Variants in PRKCA observed in about 807,000 individuals in gnomAD.
PRKCA encodes protein kinase C alpha type.
A neutral mutation model predicts 87.0 loss-of-function variants in PRKCA; 27 were observed. That is an observed-to-expected ratio of 0.31 (90% CI 0.23 to 0.43). The LOEUF (loss-of-function observed/expected upper bound fraction) is 0.43, where lower values mean the gene tolerates loss of function less well. Among genes scored for constraint, PRKCA ranks in the 20% least tolerant of loss-of-function variants. The probability of loss-of-function intolerance (pLI) is 1.00; values close to 1 mark genes in which losing one functional copy is unlikely to be tolerated. For synonymous variants in PRKCA, 329 were observed against 311.1 expected, an observed-to-expected ratio of 1.06 and a Z score of -0.61; for missense variants, 518 against 852.3, an observed-to-expected ratio of 0.61 and a Z score of 4.88.
intron 2 of PRKCA, among the ~76,000 whole-genome samples, chr17:66,366,879 A>C (rs772216991): frequency 1.3e-5 from 2 of 152,238 alleles, no homozygotes; most frequent in Admixed American, 6.5e-5. Flanking sequence ...AAAGCACTTC[A>C]TAGTGAGCAA....
intron 2 of PRKCA, among the ~76,000 whole-genome samples, chr17:66,365,770 C>G (rs919892282): frequency 6.6e-6 from 1 of 152,128 alleles, no homozygotes. Context: ...CGTATGCTTT[C>G]TTATTTAAGC....
At chr17:66,755,469 G>A (rs981754283) in intron 13 of PRKCA, among the ~76,000 whole-genome samples, 3 of 152,170 alleles carry the variant, frequency 2.0e-5, no homozygotes, top group African/African-American at 7.2e-5. Context: ...CCAGGAGACC[G>A]CTGAACCCCA....
chr17:66,454,744 C>G (rs548603262), intron 2 of PRKCA, among the ~76,000 whole-genome samples: 200 of 152,326 alleles, frequency 1.3e-3, no homozygotes, highest in Non-Finnish European at 2.2e-3. Flanking sequence ...CCCACTGGCT[C>G]CCTCCCCCAA....
In PRKCA at chr17:66,742,705, T is replaced by C. The variant is rs766524625; in HGVS notation, c.1469T>C (p.Met490Thr). 18 of 1,614,182 alleles carry C rather than the reference T, an allele frequency of 1.1e-5. No individual in the cohort carries two copies. The highest frequency in any genetic ancestry group is 2.2e-5 in the South Asian group (2 of 91,082). The stretch of plus-strand genomic sequence containing the variant: ...TTTGGGATGTGCAAGGAACACATGA[T>C]GGATGGAGTCACGACCAGGACCTTC... ...ADFGMCKEHM[M>T]DGVTTRTFCG... Residue 490 changes from methionine (M) to threonine (T), a missense_variant, in exon 13 of 17, where the codon ATG (methionine) becomes ACG (threonine). Around this residue, in one of 5 missense-constraint regions of PRKCA, gnomAD observed 159 missense variants for 232.4 expected, o/e 0.68. Coordinates refer to ENST00000413366, the MANE Select transcript of PRKCA (RefSeq NM_002737.3).
intron 11 of PRKCA, among the ~76,000 whole-genome samples, chr17:66,740,296 C>A (rs187228236): frequency 6.6e-6 from 1 of 152,170 alleles, no homozygotes; most frequent in African/African-American, 2.4e-5. Context: ...GGAGCTGGAA[C>A]TTTGGTGCTG....
chr17:66,342,425 A>T (rs1907090277), intron 2 of PRKCA, among the ~76,000 whole-genome samples: 1 of 137,640 alleles, frequency 7.3e-6, no homozygotes, highest in South Asian at 2.4e-4. Flanking sequence ...CCATCTCAAA[A>T]AAAATAAAAT....
At chr17:66,510,899 A>G (rs1322759000) in intron 3 of PRKCA, among the ~76,000 whole-genome samples, 1 of 152,012 alleles carries the variant, frequency 6.6e-6, no homozygotes, top group African/African-American at 2.4e-5. Context: ...GGCGTGCACC[A>G]CCATGCCCGG....
At chr17:66,772,449 T>C (rs1974954990) in intron 13 of PRKCA, among the ~76,000 whole-genome samples, 1 of 151,912 alleles carries the variant, frequency 6.6e-6, no homozygotes, top group African/African-American at 2.4e-5. Context: ...TGGGCAGACA[T>C]GCAGAAAGTT....
At chr17:66,611,719 T>C (rs781019349) in intron 3 of PRKCA, among the ~76,000 whole-genome samples, 18 of 152,200 alleles carry the variant, frequency 1.2e-4, no homozygotes, top group Non-Finnish European at 2.2e-4. Context: ...CAGGGTCACA[T>C]GTATTAAGCA....
intron 2 of PRKCA, among the ~76,000 whole-genome samples, chr17:66,374,176 C>T (rs1422752422): frequency 2.0e-5 from 3 of 152,120 alleles, no homozygotes; most frequent in African/African-American, 4.8e-5. Flanking sequence ...TCCTTCCTTC[C>T]GCCTGGAGCT....
At chr17:66,391,238 A>G (rs1245174146) in intron 2 of PRKCA, among the ~76,000 whole-genome samples, 1 of 152,168 alleles carries the variant, frequency 6.6e-6, no homozygotes, top group Non-Finnish European at 1.5e-5. Context: ...GGACAGATTC[A>G]GCCGGGTGCT....
chr17:66,717,413 A>G (rs1973505463), intron 8 of PRKCA, among the ~76,000 whole-genome samples: 1 of 152,222 alleles, frequency 6.6e-6, no homozygotes, highest in Non-Finnish European at 1.5e-5. Flanking sequence ...GAGGAAGAGC[A>G]CTAGGTTCAA....
At chr17:66,421,298 C>G (rs1027946935) in intron 2 of PRKCA, among the ~76,000 whole-genome samples, 2 of 152,128 alleles carry the variant, frequency 1.3e-5, no homozygotes, top group Non-Finnish European at 2.9e-5. Context: ...TCTAATGGAA[C>G]AGAGAACTGC....
intron 3 of PRKCA, among the ~76,000 whole-genome samples, chr17:66,553,174 G>C (rs1196608634): frequency 6.6e-6 from 1 of 151,946 alleles, no homozygotes; most frequent in East Asian, 1.9e-4. Flanking sequence ...TAGAGGTGGG[G>C]TTTTGCCGTG....
At chr17:66,565,482 A>C (rs1164326950) in intron 3 of PRKCA, among the ~76,000 whole-genome samples, 2 of 152,256 alleles carry the variant, frequency 1.3e-5, no homozygotes, top group Non-Finnish European at 1.5e-5. Flanking sequence ...AAAGCCTGAA[A>C]GCAAAATATG....
In PRKCA at chr17:66,327,380, A is replaced by G. The variant is rs557258026; in HGVS notation, c.205+21253A>G. Among the ~76,000 whole-genome samples the G allele has an allele frequency of 2.4e-3, 358 of 150,738 alleles. 2 individuals carry two copies. The highest frequency in any genetic ancestry group is 8.4e-3 in the African/African-American group (347 of 41,142). On this transcript the variant is annotated intron_variant, in intron 2 of 16. Coordinates refer to ENST00000413366, the MANE Select transcript of PRKCA (RefSeq NM_002737.3). ...AAACTCTGTCTCAAAAAAAAAAAAA[A>G]AAAAAAATTGCTGGGTGTGGTGGTG...
chr17:66,774,299 T>C (rs1975000984), intron 14 of PRKCA: 2 of 1,366,130 alleles, frequency 1.5e-6, no homozygotes, highest in Admixed American at 3.0e-5. Context: ...CAACCTGGAG[T>C]GTAGACAGTG....
At chr17:66,759,501 G>T (rs548396809) in intron 13 of PRKCA, among the ~76,000 whole-genome samples, 1 of 149,658 alleles carries the variant, frequency 6.7e-6, no homozygotes, top group Non-Finnish European at 1.5e-5. Context: ...AGCTAAACCC[G>T]CAAGAGGCAG....
intron 2 of PRKCA, among the ~76,000 whole-genome samples, chr17:66,465,577 T>A (rs1157083867): frequency 6.6e-6 from 1 of 151,270 alleles, no homozygotes; most frequent in African/African-American, 2.4e-5. Context: ...TTTTTTTTTT[T>A]AAGTAGAGAT....
Sources: gnomAD v4.1 joint callset for allele counts (sites outside exome capture counted in the v4.1 genomes callset) on GRCh38, gnomAD v4.1.1 for gene constraint, gnomAD v4.1.1 regional missense constraint, MANE v1.5 for transcripts, NCBI Gene and HGNC (gene_info 2026-07-23, HGNC 2026-07-21) for gene names.